The following TBC1D22A variants were observed in gnomAD, a reference collection of about 807,000 sequenced individuals.
The protein encoded by TBC1D22A is putative GTPase activator.
TBC1D22A carries 38 observed loss-of-function variants against 60.2 expected under a neutral mutation model. The ratio of observed to expected loss-of-function variants is 0.63; its 90% CI spans 0.49 to 0.83. The LOEUF is 0.83. TBC1D22A is among the 40% of genes least tolerant of loss of function. TBC1D22A has a pLI of 0.00. For synonymous variants in TBC1D22A, 302 were observed against 281.7 expected, an observed-to-expected ratio of 1.07 and a Z score of -0.72; for missense variants, 628 against 701.0, an observed-to-expected ratio of 0.90 and a Z score of 1.18.
intron 11 of TBC1D22A, among the ~76,000 whole-genome samples, chr22:47,046,869 G>A (rs1012260064): frequency 6.6e-5 from 10 of 152,224 alleles, no homozygotes; most frequent in African/African-American, 2.4e-4. Context: ...CCAGGTGCAG[G>A]GCCTGTGCAG....
chr22:46,807,256 T>TGTGGGG (rs67540745), intron 4 of TBC1D22A, among the ~76,000 whole-genome samples: 1 of 151,400 alleles, frequency 6.6e-6, no homozygotes, highest in African/African-American at 2.4e-5. Flanking sequence ...TAGTGTTGAT[T>TGTGGGG]GTGATGGTGA....
At chr22:46,769,051 G>A (rs374530853) in intron 1 of TBC1D22A, among the ~76,000 whole-genome samples, 17 of 136,508 alleles carry the variant, frequency 1.2e-4, no homozygotes, top group South Asian at 4.5e-4. Flanking sequence ...CTGAGATCGC[G>A]TCACTGCACT....
intron 1 of TBC1D22A, among the ~76,000 whole-genome samples, chr22:46,768,633 T>G (rs1377747755): frequency 6.6e-6 from 1 of 152,140 alleles, no homozygotes; most frequent in African/African-American, 2.4e-5. Context: ...ACACTTCACT[T>G]TAAAAATGCC....
intron 12 of TBC1D22A, among the ~76,000 whole-genome samples, chr22:47,124,099 T>C (rs935594235): frequency 2.0e-5 from 3 of 151,858 alleles, no homozygotes; most frequent in Admixed American, 2.0e-4. Flanking sequence ...GAGGGGTCCT[T>C]GTGTGGGAGC....
chr22:46,820,412 C>T (rs1280426365), intron 4 of TBC1D22A, among the ~76,000 whole-genome samples: 1 of 152,034 alleles, frequency 6.6e-6, no homozygotes, highest in East Asian at 1.9e-4. Flanking sequence ...TAGCTGTGTC[C>T]CAGAGATGCT....
At chr22:47,135,845 G>A (rs1209812950) in intron 12 of TBC1D22A, among the ~76,000 whole-genome samples, 1 of 152,102 alleles carries the variant, frequency 6.6e-6, no homozygotes, top group African/African-American at 2.4e-5. Flanking sequence ...AGGACCACCC[G>A]GACACACGTG....
At chr22:46,976,269 A>G (rs1602754890) in intron 9 of TBC1D22A, among the ~76,000 whole-genome samples, 1 of 152,150 alleles carries the variant, frequency 6.6e-6, no homozygotes, top group Non-Finnish European at 1.5e-5. Context: ...GGCAGGGCCG[A>G]TGAGTGTGAG....
intron 10 of TBC1D22A, among the ~76,000 whole-genome samples, chr22:47,036,359 A>G (rs2062658225): frequency 6.6e-6 from 1 of 152,226 alleles, no homozygotes; most frequent in Non-Finnish European, 1.5e-5. Context: ...TGACACCGCC[A>G]GGACTCAGCA....
rs149072127 is a variant in TBC1D22A, at chr22:46,809,181, G to T, written c.637+11561G>T. Among the ~76,000 whole-genome samples the T allele has an allele frequency of 2.8e-4, 42 of 152,328 alleles. No homozygotes were observed. The East Asian group carries it at 7.9e-3, about 29-fold the overall frequency. On this transcript the variant is annotated intron_variant, in intron 4 of 12. Coordinates refer to ENST00000337137, the MANE Select transcript of TBC1D22A (RefSeq NM_014346.5). ...TGCTGGCTGATCCAGTTTCCGGGAA[G>T]GGCTCTCCTCCCGGCTTGCAGATGC...
chr22:46,921,857 G>C (rs946159766), intron 8 of TBC1D22A, among the ~76,000 whole-genome samples: 41 of 152,038 alleles, frequency 2.7e-4, no homozygotes, highest in African/African-American at 9.7e-4. Flanking sequence ...TTACTCTGTT[G>C]ATAGTTTCTT....
chr22:46,796,377 C>A (rs114158253), intron 3 of TBC1D22A, among the ~76,000 whole-genome samples: 2 of 152,030 alleles, frequency 1.3e-5, no homozygotes, highest in Non-Finnish European at 2.9e-5. Context: ...AAGGAGGGCG[C>A]GGGGGAGTGC....
chr22:47,150,067 C>G (rs1468132290), intron 12 of TBC1D22A, among the ~76,000 whole-genome samples: 2 of 152,124 alleles, frequency 1.3e-5, no homozygotes, highest in East Asian at 3.9e-4. Flanking sequence ...TCTGGTCTTA[C>G]TGTTCCTGTC....
intron 11 of TBC1D22A, among the ~76,000 whole-genome samples, chr22:47,047,470 C>T (rs1296518471): frequency 6.6e-6 from 1 of 152,186 alleles, no homozygotes; most frequent in Non-Finnish European, 1.5e-5. Context: ...CTTCAAGGCA[C>T]CAAACCTTCA....
intron 8 of TBC1D22A, among the ~76,000 whole-genome samples, chr22:46,956,606 G>A (rs1195254888): frequency 6.6e-6 from 1 of 152,178 alleles, no homozygotes; most frequent in Non-Finnish European, 1.5e-5. Context: ...AAGGCGTTGT[G>A]CTGGGATGTG....
chr22:46,890,778 A>G (rs1055687370), intron 5 of TBC1D22A, among the ~76,000 whole-genome samples: 74 of 152,314 alleles, frequency 4.9e-4, no homozygotes, highest in African/African-American at 1.8e-3. Flanking sequence ...GCACATTTGC[A>G]TAAGTGAGAG....
At chr22:47,166,601 T>G (rs2068217720) in intron 12 of TBC1D22A, among the ~76,000 whole-genome samples, 1 of 152,268 alleles carries the variant, frequency 6.6e-6, no homozygotes, top group Admixed American at 6.5e-5. Context: ...TGCATAGTGC[T>G]GGACACTGTC....
At chr22:46,881,490 G>T (rs575662237) in intron 5 of TBC1D22A, among the ~76,000 whole-genome samples, 6 of 152,304 alleles carry the variant, frequency 3.9e-5, no homozygotes, top group African/African-American at 1.4e-4. Context: ...GCTGCCCTGT[G>T]TCTGTCCCTT....
In TBC1D22A at chr22:47,025,384, A is replaced by G. The variant is rs151285308; in HGVS notation, c.1202-11687A>G. On this transcript the variant is annotated intron_variant, in intron 10 of 12. Coordinates refer to ENST00000337137, the MANE Select transcript of TBC1D22A (RefSeq NM_014346.5). ...CAATAAATCTTAAGGGATTCAAGAA[A>G]TATGAAGTATTTTTTGTTTTCTCTT... 4.1e-3 allele frequency among the ~76,000 whole-genome samples: 628 copies of G among 152,384 alleles called. 10 individuals carry two copies. The highest frequency in any genetic ancestry group is 0.014 in the African/African-American group (603 of 41,602).
Position 46,912,132 on chromosome 22 carries a change from A to G in TBC1D22A, c.959A>G (p.Gln320Arg), listed in dbSNP as rs770198561. 1.9e-6 allele frequency: 3 copies of G among 1,614,130 alleles called. No homozygotes were observed. Among genetic ancestry groups the G allele is most frequent in the Non-Finnish European group, 1.7e-6 (2 of 1,180,000 alleles). The change falls in exon 8 of 13, where the codon CAG (glutamine) becomes CGG (arginine). Residue 320 changes from glutamine to arginine, a missense_variant. By Grantham distance (43) the Gln-to-Arg change is conservative. Coordinates refer to ENST00000337137, the MANE Select transcript of TBC1D22A (RefSeq NM_014346.5). ...AIRHPASGYV[Q>R]GINDLVTPFF... ...CGCCACCCAGCCAGTGGATACGTTCAGGGTATAAATGATCTCGTCACTCCT... is the reference window on the plus strand; with the variant it reads ...CGCCACCCAGCCAGTGGATACGTTCGGGGTATAAATGATCTCGTCACTCCT...
Sources: allele counts gnomAD v4.1 joint callset (sites outside exome capture counted in the v4.1 genomes callset), GRCh38; gene constraint gnomAD v4.1.1; transcripts MANE v1.5; gene names NCBI Gene and HGNC (gene_info 2026-07-23, HGNC 2026-07-21).